The following SYT17 variants were observed in gnomAD, a reference collection of about 807,000 sequenced individuals.
SYT17 encodes the protein synaptotagmin-17.
Under a neutral mutation model 46.7 loss-of-function variants are expected in SYT17, and 22 were observed. The ratio of observed to expected loss-of-function variants is 0.47; its 90% CI spans 0.34 to 0.67. SYT17 has a LOEUF of 0.67. Among genes scored for constraint, SYT17 ranks in the 30% least tolerant of loss-of-function variants. SYT17 has a pLI of 0.01. For missense variants in SYT17, 519 were observed against 612.8 expected (o/e 0.85, Z 1.62); for synonymous variants, 251 against 248.4 (o/e 1.01, Z -0.10).
chr16:19,237,663 G>A (rs1211610904), intron 7 of SYT17, among the ~76,000 whole-genome samples: 2 of 152,356 alleles, frequency 1.3e-5, no homozygotes, highest in East Asian at 1.9e-4. Flanking sequence ...CTATGGGGTA[G>A]CACTGCTCTG....
chr16:19,188,487 T>C (rs376239743), intron 5 of SYT17, among the ~76,000 whole-genome samples: 1 of 6,712 alleles, frequency 1.5e-4, no homozygotes. Flanking sequence ...GAACTTAAAA[T>C]AAAAGTTAAA....
intron 5 of SYT17, among the ~76,000 whole-genome samples, chr16:19,205,518 C>T (rs992812999): frequency 6.6e-6 from 1 of 151,990 alleles, no homozygotes; most frequent in Non-Finnish European, 1.5e-5. Context: ...CAGCTCCCTG[C>T]AACCCCTGCC....
intron 7 of SYT17, among the ~76,000 whole-genome samples, chr16:19,234,781 C>G (rs1966824114): frequency 6.6e-6 from 1 of 152,122 alleles, no homozygotes; most frequent in Admixed American, 6.6e-5. Context: ...CCAGAAGTGG[C>G]CACTTGGAAA....
intron 4 of SYT17, among the ~76,000 whole-genome samples, chr16:19,181,593 A>G (rs754492118): frequency 8.5e-5 from 13 of 152,200 alleles, no homozygotes; most frequent in Non-Finnish European, 1.5e-4. Context: ...GCTGTCTGGT[A>G]TAACAATCAC....
In SYT17 at chr16:19,224,582, G is replaced by A. The variant is rs1966434301; in HGVS notation, c.1073-101G>A. 8 of 1,305,724 alleles carry A rather than the reference G, an allele frequency of 6.1e-6. No individual in the cohort carries two copies. The South Asian group carries it at 1.1e-4, about 18-fold the overall frequency. 80.9% of individuals were successfully genotyped at this position (1,305,724 alleles called of 1,614,324 possible). A position where few individuals can be genotyped will look rare whatever the true frequency, so the allele number is the denominator to read the frequency against. On this transcript the variant is annotated intron_variant, in intron 6 of 7. Coordinates refer to ENST00000355377, the MANE Select transcript of SYT17 (RefSeq NM_016524.4). ...ATGGGTGGATGGATAGAAGAATGGA[G>A]GAATAAAAAGACAGATGGATGGGAG...
intron 7 of SYT17, among the ~76,000 whole-genome samples, chr16:19,256,905 T>C (rs1272119833): frequency 6.6e-6 from 1 of 152,050 alleles, no homozygotes; most frequent in African/African-American, 2.4e-5. Context: ...AGGAAGAAAT[T>C]AGGCTGGACT....
chr16:19,189,994 G>A (rs1028457127), intron 5 of SYT17, among the ~76,000 whole-genome samples: 5 of 152,184 alleles, frequency 3.3e-5, no homozygotes, highest in Non-Finnish European at 7.3e-5. Flanking sequence ...ATGGAGCTAT[G>A]GCATTTTTGG....
At chr16:19,245,512 C>A (rs1265106907) in intron 7 of SYT17, among the ~76,000 whole-genome samples, 1 of 152,196 alleles carries the variant, frequency 6.6e-6, no homozygotes, top group African/African-American at 2.4e-5. Flanking sequence ...CAGTCAGCAC[C>A]TGTTCTGCAC....
At position 19,223,101 on chromosome 16, in the gene SYT17, C is replaced by T. The variant is rs778707487; in HGVS notation, c.1008C>T (p.Gly336=). Residue 336 remains glycine (G), a synonymous_variant, in exon 6 of 8, where the codon GGC becomes GGT. Transcript: ENST00000355377. ...LLSLNYLPSA[G]RLNVDVIRAK... is the part of the protein sequence containing the mutation. ...CACTGAATTATCTCCCAAGTGCTGG[C>T]AGACTGAATGTTGATGTCATTCGAG... The T allele has an allele frequency of 5.6e-6, 9 of 1,613,942 alleles. No individual in the cohort carries two copies. In the Admixed American group the frequency reaches 1.5e-4, roughly 27 times the overall value.
chr16:19,241,273 C>T (rs183090857), intron 7 of SYT17, among the ~76,000 whole-genome samples: 236 of 148,394 alleles, frequency 1.6e-3, no homozygotes, highest in Middle Eastern at 3.4e-3. Context: ...GACTTTGCTC[C>T]GAGTTAGGAG....
chr16:19,227,641 C>T (rs1359359117), intron 7 of SYT17, among the ~76,000 whole-genome samples: 1 of 152,152 alleles, frequency 6.6e-6, no homozygotes, highest in African/African-American at 2.4e-5. Flanking sequence ...AATGCCTTCC[C>T]CTTTCCAGTT....
chr16:19,261,325 T>G (rs1020840372), intron 7 of SYT17, among the ~76,000 whole-genome samples: 19 of 152,232 alleles, frequency 1.2e-4, no homozygotes, highest in African/African-American at 4.3e-4. Context: ...CTTTACCAAG[T>G]GATTTGCAAT....
In SYT17 at chr16:19,223,025, A is replaced by G; in HGVS notation, c.952-20A>G. The G allele has an allele frequency of 6.2e-7, 1 of 1,613,674 alleles. No homozygotes were observed. Among genetic ancestry groups the G allele is most frequent in the Non-Finnish European group, 8.5e-7 (1 of 1,179,680 alleles). ...AATAAAAGGAGAAGGCAACTTCCTGATCATTTCCTTTCTCTACAGAATGAA... is the reference window on the plus strand; with the variant it reads ...AATAAAAGGAGAAGGCAACTTCCTGGTCATTTCCTTTCTCTACAGAATGAA... On this transcript the variant is annotated intron_variant, in intron 5 of 7. Coordinates refer to ENST00000355377, the MANE Select transcript of SYT17 (RefSeq NM_016524.4).
chr16:19,224,397 G>A (rs1966427811), intron 6 of SYT17, among the ~76,000 whole-genome samples: 1 of 152,132 alleles, frequency 6.6e-6, no homozygotes, highest in African/African-American at 2.4e-5. Context: ...ATGGATGGAT[G>A]GTTGAACTGT....
intron 5 of SYT17, among the ~76,000 whole-genome samples, chr16:19,194,955 C>T (rs955442538): frequency 5.9e-5 from 9 of 152,178 alleles, no homozygotes; most frequent in Admixed American, 5.9e-4. Context: ...CAATAGATGT[C>T]TTCTGAATTG....
chr16:19,217,873 G>A (rs1966155711), intron 5 of SYT17, among the ~76,000 whole-genome samples: 1 of 152,202 alleles, frequency 6.6e-6, no homozygotes, highest in South Asian at 2.1e-4. Context: ...TAGTGGGTGT[G>A]CAGCCCCTGG....
chr16:19,255,265 G>A (rs532961363), intron 7 of SYT17, among the ~76,000 whole-genome samples: 2 of 152,176 alleles, frequency 1.3e-5, no homozygotes, highest in African/African-American at 2.4e-5. Flanking sequence ...AACTCCCATC[G>A]TTGCTGCTTT....
chr16:19,246,143 C>G (rs1033658701), intron 7 of SYT17, among the ~76,000 whole-genome samples: 4 of 151,868 alleles, frequency 2.6e-5, no homozygotes, highest in Admixed American at 2.6e-4. Flanking sequence ...AGGCACCCAC[C>G]AGCAAGCCCA....
intron 6 of SYT17, among the ~76,000 whole-genome samples, chr16:19,223,728 C>T (rs573789273): frequency 6.6e-6 from 1 of 152,140 alleles, no homozygotes; most frequent in Non-Finnish European, 1.5e-5. Context: ...GAATTATTGT[C>T]TTCTCTAAGT....
Sources: allele counts gnomAD v4.1 joint callset (sites outside exome capture counted in the v4.1 genomes callset), GRCh38; gene constraint gnomAD v4.1.1; transcripts MANE v1.5; gene names NCBI Gene and HGNC (gene_info 2026-07-23, HGNC 2026-07-21).